Variants in HRH2 observed in about 807,000 individuals in gnomAD.
HRH2 encodes histamine receptor H2, also known as histamine H2 receptor.
Under a neutral mutation model 20.1 loss-of-function variants are expected in HRH2, and 4 were observed. The ratio of observed to expected loss-of-function variants is 0.20; its 90% CI spans 0.10 to 0.45. The LOEUF (loss-of-function observed/expected upper bound fraction) is 0.45. Ranked by LOEUF, HRH2 falls within the 20% of genes least tolerant of loss-of-function variation. The pLI is 0.99. For missense variants in HRH2, 250 were observed against 461.6 expected, an observed-to-expected ratio of 0.54 and a Z score of 4.20; for synonymous variants, 197 against 200.7, an observed-to-expected ratio of 0.98 and a Z score of 0.16.
intron 1 of HRH2, among the ~76,000 whole-genome samples, chr5:175,674,140 GTC>G (rs1395707248): frequency 6.6e-6 from 1 of 152,218 alleles, no homozygotes; most frequent in African/African-American, 2.4e-5. Flanking sequence ...AATGGTGTGA[GTC>G]TCTCACTGAT....
At chr5:175,703,930 G>A (rs1464572227) in intron 2 of HRH2, 1 of 152,102 alleles carries the variant, frequency 6.6e-6, no homozygotes, top group Non-Finnish European at 1.5e-5. Flanking sequence ...CACTAAAACT[G>A]GAGCCATACA....
chr5:175,699,054 G>A (rs1756707457), intron 2 of HRH2, among the ~76,000 whole-genome samples: 1 of 152,202 alleles, frequency 6.6e-6, no homozygotes, highest in African/African-American at 2.4e-5. Context: ...AGAAAACCAG[G>A]AGAAGGCCGT....
chr5:175,685,327 A>G (rs7729715), intron 2 of HRH2: 88,001 of 1,339,778 alleles, frequency 0.066, 9,965 homozygotes, highest in African/African-American at 0.48. Context: ...GCTGCTGAAA[A>G]GAGCAAATGA....
chr5:175,697,705 G>T lies in HRH2; in HGVS notation c.1077-10074G>T, dbSNP rs540702629. 3.3e-5 allele frequency among the ~76,000 whole-genome samples: 5 copies of T among 152,266 alleles called. No individual in the cohort carries two copies. In the South Asian group the frequency reaches 8.3e-4, roughly 25 times the overall value. ...CTCCCCTGCTCTACAGCCTTCAGTA[G>T]CTCCCCGGTGCCTGCCAGATCACAT... On this transcript the variant is annotated intron_variant, in intron 2 of 2. Coordinates refer to ENST00000636584, the MANE Select transcript of HRH2 (RefSeq NM_001367711.1).
rs1343289068 is a variant in HRH2, at chr5:175,709,699, T to G, written c.*1728T>G. The G allele has an allele frequency of 6.6e-6, 1 of 152,434 alleles. No individual in the cohort carries two copies. Among genetic ancestry groups the G allele is most frequent in the Non-Finnish European group, 1.5e-5 (1 of 68,252 alleles). 9.4% of individuals were successfully genotyped at this position (152,434 alleles called of 1,614,324 possible). On this transcript the variant is annotated 3_prime_UTR_variant, in exon 3 of 3. Coordinates refer to ENST00000636584, the MANE Select transcript of HRH2 (RefSeq NM_001367711.1). ...TCCCCATCTACTCTGTGTCACTCCA[T>G]CCGACCACCATTGTCTCCATCAGGA...
At chr5:175,694,305 C>T (rs1238281346) in intron 2 of HRH2, among the ~76,000 whole-genome samples, 1 of 152,188 alleles carries the variant, frequency 6.6e-6, no homozygotes, top group East Asian at 1.9e-4. Context: ...GGCATGCAGT[C>T]CGCACAGGCT....
Position 175,663,301 on chromosome 5 carries a change from A to G in HRH2, c.-526+5146A>G, listed in dbSNP as rs556772713. ...TTACATTCCCACCAGCAGTGCACGG[A>G]GGTCCCAGTCCTTTCCAAAGCTTCT... On this transcript the variant is annotated intron_variant, in intron 1 of 2. Coordinates refer to ENST00000636584, the MANE Select transcript of HRH2 (RefSeq NM_001367711.1). Among the ~76,000 whole-genome samples the G allele has an allele frequency of 7.2e-5, 11 of 152,312 alleles. No homozygotes were observed. In the South Asian group the frequency reaches 2.3e-3, roughly 32 times the overall value.
At chr5:175,696,666 G>A (rs1033096522) in intron 2 of HRH2, among the ~76,000 whole-genome samples, 3 of 152,332 alleles carry the variant, frequency 2.0e-5, no homozygotes, top group Non-Finnish European at 4.4e-5. Flanking sequence ...AGGTGGGGGA[G>A]GGGCTCCGCA....
intron 2 of HRH2, among the ~76,000 whole-genome samples, chr5:175,696,393 C>T (rs562938528): frequency 6.6e-6 from 1 of 152,154 alleles, no homozygotes; most frequent in African/African-American, 2.4e-5. Flanking sequence ...AGGCAGGGAG[C>T]CCCCCACTTT....
chr5:175,673,259 G>T (rs555033952), intron 1 of HRH2, among the ~76,000 whole-genome samples: 55 of 152,244 alleles, frequency 3.6e-4, no homozygotes, highest in African/African-American at 1.3e-3. Context: ...GTGTATGCAT[G>T]TGCGCGTTTC....
intron 2 of HRH2, among the ~76,000 whole-genome samples, chr5:175,694,221 T>C (rs1304070744): frequency 6.6e-6 from 1 of 152,128 alleles, no homozygotes; most frequent in Non-Finnish European, 1.5e-5. Context: ...ACTTCACAGA[T>C]GATGGAAAAA....
At chr5:175,664,048 C>G (rs997882865) in intron 1 of HRH2, among the ~76,000 whole-genome samples, 1 of 152,176 alleles carries the variant, frequency 6.6e-6, no homozygotes, top group Admixed American at 6.5e-5. Context: ...AAGTTGGTCA[C>G]GGACTAGAGC....
intron 1 of HRH2, among the ~76,000 whole-genome samples, chr5:175,662,661 C>T (rs940649211): frequency 1.4e-4 from 22 of 152,128 alleles, no homozygotes; most frequent in African/African-American, 4.8e-4. Flanking sequence ...AAGAGCAGAG[C>T]GTTATAGAGA....
chr5:175,699,264 C>G (rs1756714500), intron 2 of HRH2, among the ~76,000 whole-genome samples: 1 of 152,184 alleles, frequency 6.6e-6, no homozygotes, highest in African/African-American at 2.4e-5. Flanking sequence ...AAATTTCCAC[C>G]ATGGCGTATT....
rs115402409 is a variant in HRH2, at chr5:175,659,915, A to G, written c.-526+1760A>G. Among the ~76,000 whole-genome samples the G allele has an allele frequency of 3.5e-3, 531 of 152,284 alleles. 3 individuals carry two copies. Among genetic ancestry groups the G allele is most frequent in the African/African-American group, 0.012 (487 of 41,554 alleles). On this transcript the variant is annotated intron_variant, in intron 1 of 2. Coordinates refer to ENST00000636584, the MANE Select transcript of HRH2 (RefSeq NM_001367711.1). Reference sequence around the variant, plus strand: ...GGTCACTACTCAGTACTACATAGGAAGCCGATATCAGACTGACTCACCCCA... The same window carrying G: ...GGTCACTACTCAGTACTACATAGGAGGCCGATATCAGACTGACTCACCCCA...
rs1756186671 is a variant in HRH2 at position 175,686,752 on chromosome 5, C to T, written c.1076+2443C>T. Among the ~76,000 whole-genome samples the T allele has an allele frequency of 6.6e-6, 1 of 152,222 alleles. No homozygotes were observed. The highest frequency in any genetic ancestry group is 2.4e-5 in the African/African-American group (1 of 41,444). ...ACTCAGGGCCTCACTTCATCCTCCA[C>T]ACAACCCTGTGAAGCAGGGACTTGC... On this transcript the variant is annotated intron_variant, in intron 2 of 2. Coordinates refer to ENST00000636584, the MANE Select transcript of HRH2 (RefSeq NM_001367711.1). The surrounding 1 kb of genome is among the most constrained non-coding windows in gnomAD (Gnocchi z 4.7).
rs537471511 is a variant in HRH2 at position 175,690,207 on chromosome 5, C to T, written c.1076+5898C>T. ...CACAGTCAGGGGCCCCAGCTGGCCCCGCCACTCGGGAACCTGCTGGCTGCC... is the reference window on the plus strand; with the variant it reads ...CACAGTCAGGGGCCCCAGCTGGCCCTGCCACTCGGGAACCTGCTGGCTGCC... On this transcript the variant is annotated intron_variant, in intron 2 of 2. Transcript: ENST00000636584. Among the ~76,000 whole-genome samples, 75 of 152,336 alleles carry T rather than the reference C, an allele frequency of 4.9e-4. 1 individual carries two copies. The highest frequency in any genetic ancestry group is 1.7e-3 in the African/African-American group (69 of 41,574).
intron 1 of HRH2, among the ~76,000 whole-genome samples, chr5:175,673,231 A>ATGTGTGTG (rs1389341620): frequency 6.6e-6 from 1 of 151,720 alleles, no homozygotes; most frequent in African/African-American, 2.4e-5. Flanking sequence ...AGGAGAGTAG[A>ATGTGTGTG]TGTGTGTGTG....
chr5:175,669,518 C>T (rs925315859), intron 1 of HRH2, among the ~76,000 whole-genome samples: 3 of 152,120 alleles, frequency 2.0e-5, no homozygotes, highest in African/African-American at 7.2e-5. Flanking sequence ...CACACACCAG[C>T]ACACCCGGCT....
Sources: gnomAD v4.1 joint callset for allele counts (sites outside exome capture counted in the v4.1 genomes callset) on GRCh38, gnomAD v4.1.1 for gene constraint, Gnocchi (gnomAD v3.1) non-coding constraint, MANE v1.5 for transcripts, NCBI Gene and HGNC (gene_info 2026-07-23, HGNC 2026-07-21) for gene names.